PCDHB1: variants seen among roughly 807,000 people sequenced by gnomAD.
PCDHB1 encodes the protein protocadherin beta-1.
PCDHB1 carries 44 observed loss-of-function variants against 43.5 expected under a neutral mutation model. The observed-to-expected ratio is 1.01, with a 90% CI of 0.79 to 1.30. The LOEUF is 1.30. Among genes scored for constraint, PCDHB1 ranks in the 50% most tolerant of loss-of-function variants. The pLI, the probability that PCDHB1 is intolerant of heterozygous loss-of-function variation, is 0.00. For synonymous variants in PCDHB1, 392 were observed against 400.8 expected (o/e 0.98, Z 0.26); for missense variants, 919 against 1,008.9 (o/e 0.91, Z 1.21).
At position 141,056,504 on chromosome 5, in the gene PCDHB1, C is replaced by T. The variant is rs1423066192; in HGVS notation, c.*2577C>T. 1 of 152,142 alleles carries T rather than the reference C, an allele frequency of 6.6e-6. No individual in the cohort carries two copies. The highest frequency in any genetic ancestry group is 1.5e-5 in the Non-Finnish European group (1 of 68,014). The allele number at this position is 152,142 out of a possible 1,614,324, so 9.4% of individuals were successfully genotyped here. On this transcript the variant is annotated 3_prime_UTR_variant, in exon 1 of 1. Transcript: ENST00000306549. ...GATTTAGAGTAAAGGTTTTCTTGCA[C>T]AAAACATAGAATAAGTGTTCCAGTG... is the stretch of plus-strand genomic sequence containing the variant.
Position 141,053,956 on chromosome 5 carries a change from A to G in PCDHB1, c.*29A>G. 1.3e-6 allele frequency: 2 copies of G among 1,564,602 alleles called. No individual in the cohort carries two copies. The highest frequency in any genetic ancestry group is 1.7e-6 in the Non-Finnish European group (2 of 1,155,394). On this transcript the variant is annotated 3_prime_UTR_variant, in exon 1 of 1. Coordinates refer to ENST00000306549, the MANE Select transcript of PCDHB1 (RefSeq NM_013340.4). ...CTATTTACAGGCTCAGTGAGAGAAG[A>G]GAAGCAAAATTTTATACTTGGTATG...
At position 141,053,020 on chromosome 5, in the gene PCDHB1, T is replaced by G. The variant is rs947338315; in HGVS notation, c.1550T>G (p.Leu517Arg). ...INSGNGKLYALRTMDYEAIQD... is the reference protein window; with the variant it reads ...INSGNGKLYARRTMDYEAIQD... ...TCAGGCAATGGGAAGCTCTACGCGC[T>G]GAGAACCATGGATTATGAGGCCATT... is the stretch of plus-strand genomic sequence containing the variant. The change falls in exon 1 of 1, where the codon CTG (leucine) becomes CGG (arginine). Residue 517 changes from leucine (L) to arginine (R), a missense_variant. Transcript: ENST00000306549. The G allele has an allele frequency of 6.2e-7, 1 of 1,614,116 alleles. No homozygotes were observed. Among genetic ancestry groups the G allele is most frequent in the Admixed American group, 1.7e-5 (1 of 60,006 alleles).
chr5:141,056,354 C>T lies in PCDHB1; in HGVS notation c.*2427C>T, dbSNP rs1751133452. On this transcript the variant is annotated 3_prime_UTR_variant, in exon 1 of 1. Transcript: ENST00000306549. ...GATGTTAGAGATGCTTAGGGCAGAA[C>T]TGGTGTAACCTATGGCTGCCTTCAA... The T allele has an allele frequency of 6.6e-6, 1 of 152,188 alleles. No individual in the cohort carries two copies. The highest frequency in any genetic ancestry group is 1.5e-5 in the Non-Finnish European group (1 of 68,038). The allele number at this position is 152,188 out of a possible 1,614,324, so 9.4% of individuals were successfully genotyped here. A position where few individuals can be genotyped will look rare whatever the true frequency, so the allele number is the denominator to read the frequency against.
Position 141,053,015 on chromosome 5 carries a change from C to A in PCDHB1, c.1545C>A (p.Tyr515Ter). Residue 515 changes from tyrosine to a stop codon, truncating the protein, a stop_gained, in exon 1 of 1, where the codon TAC (tyrosine) becomes TAA (stop). Coordinates refer to ENST00000306549, the MANE Select transcript of PCDHB1 (RefSeq NM_013340.4). LOFTEE classifies it high-confidence loss of function. The stretch of plus-strand genomic sequence containing the variant: ...TAAATTCAGGCAATGGGAAGCTCTA[C>A]GCGCTGAGAACCATGGATTATGAGG... ...ISINSGNGKL[Y>*]ALRTMDYEAI... 1 of 1,614,196 alleles carries A rather than the reference C, an allele frequency of 6.2e-7. No homozygotes were observed. Among genetic ancestry groups the A allele is most frequent in the Non-Finnish European group, 8.5e-7 (1 of 1,180,024 alleles).
In PCDHB1 at chr5:141,051,651, G is replaced by A. The variant is rs1554267041; in HGVS notation, c.181G>A (p.Ala61Thr). The change falls in exon 1 of 1, where the codon GCG (alanine) becomes ACG (threonine). Residue 61 changes from alanine (A) to threonine (T), a missense_variant. Transcript: ENST00000306549. ...DLGLEVGKLA[A>T]RGARLVSEGN... ...AGGACTGGAGGTAGGGAAGCTGGCT[G>A]CGCGCGGGGCGCGGCTGGTTTCCGA... 1.2e-6 allele frequency: 2 copies of A among 1,614,264 alleles called. No homozygotes were observed. The highest frequency in any genetic ancestry group is 1.7e-6 in the Non-Finnish European group (2 of 1,180,044).
In PCDHB1 at chr5:141,054,101, C is replaced by T; in HGVS notation, c.*174C>T. On this transcript the variant is annotated 3_prime_UTR_variant, in exon 1 of 1. Coordinates refer to ENST00000306549, the MANE Select transcript of PCDHB1 (RefSeq NM_013340.4). ...AGAGTGAGGCTAGGCTTACTCAATA[C>T]AAAGCAGTTATCCTGATCCCCAGAT... The T allele has an allele frequency of 1.7e-6, 1 of 589,494 alleles. No individual in the cohort carries two copies. Among genetic ancestry groups the T allele is most frequent in the Non-Finnish European group, 3.0e-6 (1 of 334,958 alleles). The allele number at this position is 589,494 out of a possible 1,614,324, so 36.5% of individuals were successfully genotyped here. A position where few individuals can be genotyped will look rare whatever the true frequency, so the allele number is the denominator to read the frequency against.
In PCDHB1 at chr5:141,052,771, C is replaced by A; in HGVS notation, c.1301C>A (p.Ala434Asp). The change falls in exon 1 of 1, where the codon GCC becomes GAC. Residue 434 changes from alanine (A) to aspartate (D), a missense_variant. Transcript: ENST00000306549. ...GATACTGGACCACCTAGCTTGTCTG[C>A]CGAGACTATGATAGAGGTGCTAATA... ...AMDTGPPSLS[A>D]ETMIEVLISD... 1 of 1,614,140 alleles carries A rather than the reference C, an allele frequency of 6.2e-7. No homozygotes were observed.
rs187944203 is a variant in PCDHB1 at position 141,054,731 on chromosome 5, T to C, written c.*804T>C. On this transcript the variant is annotated 3_prime_UTR_variant, in exon 1 of 1. Coordinates refer to ENST00000306549, the MANE Select transcript of PCDHB1 (RefSeq NM_013340.4). The stretch of plus-strand genomic sequence containing the variant: ...TTTTTGAGACGGAGTTTTTCTCTTG[T>C]TGCCCAGACTGGAGTGCAATGGCAC... The C allele has an allele frequency of 1.1e-3, 162 of 149,686 alleles. No homozygotes were observed. The highest frequency in any genetic ancestry group is 3.5e-3 in the African/African-American group (141 of 40,702). 9.3% of individuals were successfully genotyped at this position (149,686 alleles called of 1,614,324 possible). A position where few individuals can be genotyped will look rare whatever the true frequency, so the allele number is the denominator to read the frequency against.
Position 141,052,701 on chromosome 5 carries a change from G to C in PCDHB1, c.1231G>C (p.Asp411His). Residue 411 changes from aspartate to histidine, a missense_variant, in exon 1 of 1, where the codon GAT becomes CAT. Physicochemically the swap from Asp to His is moderately conservative, Grantham distance 81. Coordinates refer to ENST00000306549, the MANE Select transcript of PCDHB1 (RefSeq NM_013340.4). The part of the protein sequence containing the change: ...SYSLVTDRSL[D>H]REEVSGYNIT... ...CTCACTGGTCACTGACAGAAGCTTG[G>C]ATCGGGAGGAGGTCTCAGGCTATAA... 2 of 1,614,198 alleles carry C rather than the reference G, an allele frequency of 1.2e-6. No homozygotes were observed. Among genetic ancestry groups the C allele is most frequent in the Non-Finnish European group, 1.7e-6 (2 of 1,180,040 alleles).
Position 141,052,447 on chromosome 5 carries a change from G to T in PCDHB1, c.977G>T (p.Gly326Val). ...DIDIQATDGG[G>V]LSAHSKVLVE... ...GACATTCAAGCTACAGATGGTGGAG[G>T]CCTCTCTGCCCACAGCAAAGTCCTG... Residue 326 changes from glycine to valine, a missense_variant, in exon 1 of 1, where the codon GGC becomes GTC. Gly to Val is a moderately radical substitution (Grantham distance 109, BLOSUM62 -3). Transcript: ENST00000306549. The T allele has an allele frequency of 6.2e-7, 1 of 1,614,174 alleles. No individual in the cohort carries two copies. The highest frequency in any genetic ancestry group is 8.5e-7 in the Non-Finnish European group (1 of 1,180,038).
At position 141,051,870 on chromosome 5, in the gene PCDHB1, C is replaced by G. The variant is rs569205817; in HGVS notation, c.400C>G (p.Leu134Val). The stretch of plus-strand genomic sequence containing the variant: ...TATCAATGACAATGCCCCAGTTTTC[C>G]TAAACAAGGAGCCGCTTTTAAAGAT... ...FDINDNAPVF[L>V]NKEPLLKIPE... Residue 134 changes from leucine to valine, a missense_variant, in exon 1 of 1, where the codon CTA becomes GTA. By Grantham distance (32) the Leu-to-Val change is conservative. Transcript: ENST00000306549. 3 of 1,614,174 alleles carry G rather than the reference C, an allele frequency of 1.9e-6. No individual in the cohort carries two copies. The highest frequency in any genetic ancestry group is 1.3e-5 in the African/African-American group (1 of 75,064).
Position 141,052,887 on chromosome 5 carries a change from A to T in PCDHB1, c.1417A>T (p.Lys473Ter), listed in dbSNP as rs961655386. The T allele has an allele frequency of 6.2e-7, 1 of 1,614,218 alleles. No individual in the cohort carries two copies. Among genetic ancestry groups the T allele is most frequent in the Non-Finnish European group, 8.5e-7 (1 of 1,180,040 alleles). The change falls in exon 1 of 1, where the codon AAA (lysine) becomes TAA (stop). Residue 473 changes from lysine to a stop codon, truncating the protein, a stop_gained. Transcript: ENST00000306549. LOFTEE classifies it high-confidence loss of function. Reference protein sequence around the residue: ...ENNSPAVFIGKVHAEDLDLGE... With the variant: ...ENNSPAVFIG ...CAACAGTCCTGCGGTTTTTATTGGC[A>T]AAGTCCATGCTGAGGATCTTGATTT...
Position 141,051,380 on chromosome 5 carries a change from A to C in PCDHB1, c.-91A>C, listed in dbSNP as rs1296098304. 2.9e-6 allele frequency: 4 copies of C among 1,387,368 alleles called. No homozygotes were observed. The highest frequency in any genetic ancestry group is 4.0e-6 in the Non-Finnish European group (4 of 1,000,218). The allele number at this position is 1,387,368 out of a possible 1,614,324, so 85.9% of individuals were successfully genotyped here. A position where few individuals can be genotyped will look rare whatever the true frequency, so the allele number is the denominator to read the frequency against. Reference sequence around the variant, plus strand: ...CTGCAGTTAGAGGCTAGTGAAGCGGAGAGCAGCTGTTGCAGTAACCTGTTG... The same window carrying C: ...CTGCAGTTAGAGGCTAGTGAAGCGGCGAGCAGCTGTTGCAGTAACCTGTTG... On this transcript the variant is annotated 5_prime_UTR_variant, in exon 1 of 1. Coordinates refer to ENST00000306549, the MANE Select transcript of PCDHB1 (RefSeq NM_013340.4).
Position 141,058,988 on chromosome 5 carries a change from G to A in PCDHB1, c.*5061G>A, listed in dbSNP as rs1751187516. On this transcript the variant is annotated 3_prime_UTR_variant, in exon 1 of 1. Transcript: ENST00000306549. The stretch of plus-strand genomic sequence containing the variant: ...GATGAAGAGCAGATTTTTAAGACTG[G>A]AATTATCCATATAGAATACATTTTT... 1.3e-5 allele frequency: 2 copies of A among 152,070 alleles called. No individual in the cohort carries two copies. Among genetic ancestry groups the A allele is most frequent in the South Asian group, 2.1e-4 (1 of 4,824 alleles). The allele number at this position is 152,070 out of a possible 1,614,324, so 9.4% of individuals were successfully genotyped here. A position where few individuals can be genotyped will look rare whatever the true frequency, so the allele number is the denominator to read the frequency against.
chr5:141,052,637 C>T lies in PCDHB1; in HGVS notation c.1167C>T (p.Asp389=), dbSNP rs1554267280. The T allele has an allele frequency of 6.2e-7, 1 of 1,614,116 alleles. No homozygotes were observed. ...GGKVTCFLRE[D]LPFVIKPTFG... Reference sequence around the variant, plus strand: ...AAGTCACCTGCTTCCTCAGAGAAGACCTTCCCTTTGTAATCAAACCTACAT... The same window carrying T: ...AAGTCACCTGCTTCCTCAGAGAAGATCTTCCCTTTGTAATCAAACCTACAT... The change falls in exon 1 of 1, where the codon GAC becomes GAT. Residue 389 remains aspartate, a synonymous_variant. Transcript: ENST00000306549.
Position 141,052,378 on chromosome 5 carries a change from TAA to T in PCDHB1, c.909_910del (p.Gly305ThrfsTer5). 6.2e-7 allele frequency: 1 copy of T among 1,614,228 alleles called. No individual in the cohort carries two copies. Among genetic ancestry groups the T allele is most frequent in the Non-Finnish European group, 8.5e-7 (1 of 1,180,046 alleles). On this transcript the variant is annotated frameshift_variant, in exon 1 of 1. Transcript: ENST00000306549. LOFTEE classifies it high-confidence loss of function. ...GACCCTCAAAATGGAGAAGTTCGAC[TAA>T]GAGGACCCCTCGATTTTGAAGCCAT...
In PCDHB1 at chr5:141,053,814, C is replaced by T. The variant is rs782255869; in HGVS notation, c.2344C>T (p.His782Tyr). The change falls in exon 1 of 1, where the codon CAT (histidine) becomes TAT (tyrosine). Residue 782 changes from histidine to tyrosine, a missense_variant. Coordinates refer to ENST00000306549, the MANE Select transcript of PCDHB1 (RefSeq NM_013340.4). ...KRFMPNFPFPHATGEIKMEAG... is the reference protein window; with the variant it reads ...KRFMPNFPFPYATGEIKMEAG... ...TTTTATGCCCAACTTCCCTTTCCCT[C>T]ATGCCACTGGGGAGATAAAAATGGA... 6.2e-7 allele frequency: 1 copy of T among 1,614,092 alleles called. No individual in the cohort carries two copies. The highest frequency in any genetic ancestry group is 1.1e-5 in the South Asian group (1 of 91,080).
chr5:141,051,883 C>T lies in PCDHB1; in HGVS notation c.413C>T (p.Pro138Leu). 6.2e-7 allele frequency: 1 copy of T among 1,614,158 alleles called. No individual in the cohort carries two copies. Among genetic ancestry groups the T allele is most frequent in the African/African-American group, 1.3e-5 (1 of 75,044 alleles). ...DNAPVFLNKE[P>L]LLKIPESTPL... ...GCCCCAGTTTTCCTAAACAAGGAGCCGCTTTTAAAGATTCCGGAGAGCACC... is the reference window on the plus strand; with the variant it reads ...GCCCCAGTTTTCCTAAACAAGGAGCTGCTTTTAAAGATTCCGGAGAGCACC... The change falls in exon 1 of 1, where the codon CCG becomes CTG. Residue 138 changes from proline (P) to leucine (L), a missense_variant. Physicochemically the swap from Pro to Leu is moderately conservative, Grantham distance 98 (BLOSUM62 -3). Coordinates refer to ENST00000306549, the MANE Select transcript of PCDHB1 (RefSeq NM_013340.4).
At position 141,052,343 on chromosome 5, in the gene PCDHB1, G is replaced by T. The variant is rs1172005666; in HGVS notation, c.873G>T (p.Thr291=). 7.4e-6 allele frequency: 12 copies of T among 1,614,232 alleles called. No individual in the cohort carries two copies. Among genetic ancestry groups the T allele is most frequent in the African/African-American group, 1.3e-5 (1 of 75,058 alleles). Residue 291 remains threonine (T), a synonymous_variant, in exon 1 of 1, where the codon ACG becomes ACT. Transcript: ENST00000306549. The stretch of plus-strand genomic sequence containing the variant: ...AAAACCCAGAAGCAATTCTCAAGAC[G>T]TTTCAGATTGACCCTCAAAATGGAG... ...LAQNPEAILK[T]FQIDPQNGEV... is the part of the protein sequence containing the mutation.
Sources: allele counts gnomAD v4.1 joint callset, GRCh38; gene constraint gnomAD v4.1.1; transcripts MANE v1.5; gene names NCBI Gene and HGNC (gene_info 2026-07-23, HGNC 2026-07-21).